The following GEMIN5 variants were observed in gnomAD, a reference collection of about 807,000 sequenced individuals.
GEMIN5 encodes the protein gem nuclear organelle associated protein 5.
Under a neutral mutation model 176.9 loss-of-function variants are expected in GEMIN5, and 124 were observed. The ratio of observed to expected loss-of-function variants is 0.70; its 90% CI spans 0.61 to 0.81. The LOEUF is 0.81. Ranked by LOEUF, GEMIN5 falls within the 40% of genes least tolerant of loss-of-function variation. The pLI is 0.00. For synonymous variants in GEMIN5, 673 were observed against 665.2 expected, an observed-to-expected ratio of 1.01 and a Z score of -0.18; for missense variants, 1,843 against 1,814.6, an observed-to-expected ratio of 1.02 and a Z score of -0.28.
Position 154,924,625 on chromosome 5 carries a change from C to T in GEMIN5, c.1294-71G>A, listed in dbSNP as rs1357503860. ...TATAGTTAAAGGAATCCTTACATTA[C>T]CCTTTAAGCATCCAAAGGGAAAACT... On this transcript the variant is annotated intron_variant, in intron 8 of 27. Coordinates refer to ENST00000285873, the MANE Select transcript of GEMIN5 (RefSeq NM_015465.5). The T allele has an allele frequency of 2.2e-5, 19 of 870,548 alleles. No individual in the cohort carries two copies. The East Asian group carries it at 4.2e-4, about 19-fold the overall frequency. 53.9% of individuals were successfully genotyped at this position (870,548 alleles called of 1,614,324 possible). A position where few individuals can be genotyped will look rare whatever the true frequency, so the allele number is the denominator to read the frequency against.
intron 26 of GEMIN5, 32 bp from the exon 27 acceptor site, chr5:154,889,449 T>C (rs1378298536): frequency 1.6e-6 from 2 of 1,213,482 alleles, no homozygotes; most frequent in African/African-American, 3.0e-5. Flanking sequence ...GTAAATTGTA[T>C]GTCTTGCCCT....
Position 154,928,639 on chromosome 5 carries a change from G to A in GEMIN5, c.802C>T (p.Pro268Ser). 6.2e-7 allele frequency: 1 copy of A among 1,613,868 alleles called. No individual in the cohort carries two copies. Among genetic ancestry groups the A allele is most frequent in the South Asian group, 1.1e-5 (1 of 91,070 alleles). The change falls in exon 6 of 28, where the codon CCC becomes TCC. Residue 268 changes from proline (P) to serine (S), a missense_variant. Pro to Ser is a moderately conservative substitution (Grantham distance 74, BLOSUM62 -1). Transcript: ENST00000285873. ...RGRGVMILKLPFLKRRGGGID... is the reference protein window; with the variant it reads ...RGRGVMILKLSFLKRRGGGID... The stretch of plus-strand genomic sequence containing the variant: ...CCCCCTCCTCTTCTCTTCAGAAAGG[G>A]CAATTTCAAAATCATCACCCCTGCA...
In GEMIN5 at chr5:154,889,189, C is replaced by T. The variant is rs1479844719; in HGVS notation, c.4359+132G>A. ...CCACGCCCAGCCTGGATTCTAAATT[C>T]TTAAGCACATATGAATGGGTAGAGA... On this transcript the variant is annotated intron_variant, in intron 27 of 27. Coordinates refer to ENST00000285873, the MANE Select transcript of GEMIN5 (RefSeq NM_015465.5). The T allele has an allele frequency of 2.0e-5, 12 of 595,682 alleles. No homozygotes were observed. In the East Asian group the frequency reaches 3.1e-4, roughly 15 times the overall value. 36.9% of individuals were successfully genotyped at this position (595,682 alleles called of 1,614,324 possible).
chr5:154,917,120 T>G lies in GEMIN5; in HGVS notation c.1733A>C (p.His578Pro). 6.2e-7 allele frequency: 1 copy of G among 1,606,686 alleles called. No homozygotes were observed. Reference sequence around the variant, plus strand: ...CCAGCTAATGGTATTCACAAGCTTGTGATGCTGTTGGATAGTACAGATCAG... The same window carrying G: ...CCAGCTAATGGTATTCACAAGCTTGGGATGCTGTTGGATAGTACAGATCAG... ...LKLICTIQQH[H>P]KLVNTISWHH... The change falls in exon 13 of 28, where the codon CAC (histidine) becomes CCC (proline). Residue 578 changes from histidine (H) to proline (P), a missense_variant. Coordinates refer to ENST00000285873, the MANE Select transcript of GEMIN5 (RefSeq NM_015465.5).
chr5:154,905,980 C>A (rs1032721036), intron 16 of GEMIN5, among the ~76,000 whole-genome samples: 1 of 151,780 alleles, frequency 6.6e-6, no homozygotes, highest in Non-Finnish European at 1.5e-5. Context: ...CGTGAGCCAC[C>A]GCTCCTGGCT....
intron 15 of GEMIN5, among the ~76,000 whole-genome samples, chr5:154,911,438 A>C (rs1763697105): frequency 6.6e-6 from 1 of 152,144 alleles, no homozygotes; most frequent in Admixed American, 6.5e-5. Context: ...GCTTTAACCC[A>C]GGAGGTGGAG....
rs1763225392 is a variant in GEMIN5 at position 154,891,485 on chromosome 5, C to A, written c.4018G>T (p.Glu1340Ter). The stretch of plus-strand genomic sequence containing the variant: ...TCTTCTGTGAGTCTCAAGTCTAGTT[C>A]TGAAGGCCTGTTTGGCTCTGGCTGA... Reference protein sequence around the residue: ...TSQPEPNRPSELDLRLTEEGE... With the variant: ...TSQPEPNRPS The change falls in exon 26 of 28, where the codon GAA (glutamate) becomes TAA (stop). Residue 1340 changes from glutamate to a stop codon, truncating the protein, a stop_gained. Transcript: ENST00000285873. LOFTEE classifies it high-confidence loss of function. 1.2e-6 allele frequency: 2 copies of A among 1,614,162 alleles called. No individual in the cohort carries two copies. The highest frequency in any genetic ancestry group is 1.7e-6 in the Non-Finnish European group (2 of 1,180,034).
chr5:154,917,739 G>A (rs111811979), intron 12 of GEMIN5, among the ~76,000 whole-genome samples, 192 bp downstream of exon 12: 71 of 152,336 alleles, frequency 4.7e-4, no homozygotes, highest in African/African-American at 1.6e-3. Flanking sequence ...TCAATGGGCT[G>A]AAAATATCTA....
At chr5:154,896,930 C>G (rs1325025444) in intron 23 of GEMIN5, among the ~76,000 whole-genome samples, 1 of 152,216 alleles carries the variant, frequency 6.6e-6, no homozygotes, top group Non-Finnish European at 1.5e-5. Context: ...ACTCCTATAA[C>G]AATATCTTCT....
chr5:154,902,702 G>A, intron 19 of GEMIN5, 26 bp from the exon 20 acceptor site: 1 of 1,610,306 alleles, frequency 6.2e-7, no homozygotes, highest in Non-Finnish European at 8.5e-7. Context: ...ATAATGTTTG[G>A]AAGGTGTTTC....
In GEMIN5 at chr5:154,888,157, T is replaced by C. The variant is rs1279017806; in HGVS notation, c.*53A>G. 6.5e-7 allele frequency: 1 copy of C among 1,543,456 alleles called. No homozygotes were observed. Among genetic ancestry groups the C allele is most frequent in the African/African-American group, 1.4e-5 (1 of 73,374 alleles). ...GTCTGGTGAGGCATAACTGCAGAGG[T>C]GAAAGATGTCAAACATTTTCAATTT... On this transcript the variant is annotated 3_prime_UTR_variant, in exon 28 of 28. Transcript: ENST00000285873.
intron 7 of GEMIN5, among the ~76,000 whole-genome samples, chr5:154,926,919 A>T (rs1764051132): frequency 6.6e-6 from 1 of 152,132 alleles, no homozygotes; most frequent in East Asian, 1.9e-4. Flanking sequence ...CGTAGGTGAT[A>T]CACGCCTGTA....
intron 3 of GEMIN5, among the ~76,000 whole-genome samples, chr5:154,934,460 C>A (rs1314032793): frequency 6.6e-6 from 1 of 152,000 alleles, no homozygotes; most frequent in African/African-American, 2.4e-5. Context: ...TACAGGCGTG[C>A]ACCACTGCAC....
chr5:154,935,865 T>C lies in GEMIN5; in HGVS notation c.485A>G (p.His162Arg), dbSNP rs1333297702. The C allele has an allele frequency of 1.9e-6, 3 of 1,613,160 alleles. No individual in the cohort carries two copies. The highest frequency in any genetic ancestry group is 1.3e-5 in the African/African-American group (1 of 74,904). The change falls in exon 3 of 28, where the codon CAT (histidine) becomes CGT (arginine). Residue 162 changes from histidine to arginine, a missense_variant. By Grantham distance (29) the His-to-Arg change is conservative. Transcript: ENST00000285873. ...CCCAATGGCTACTAAATCTTCATGA[T>C]GAGGTGAACAAGTAAGACAGAAAAT... is the stretch of plus-strand genomic sequence containing the variant. ...RTIFCLTCSP[H>R]HEDLVAIGYK...
chr5:154,903,041 T>C, intron 19 of GEMIN5, 39 bp downstream of exon 19: 1 of 1,289,576 alleles, frequency 7.8e-7, no homozygotes, highest in Non-Finnish European at 1.1e-6. Context: ...TGGGAAAGTA[T>C]AAAGATGGAT....
intron 4 of GEMIN5, 116 bp downstream of exon 4, chr5:154,931,983 C>A (rs538073747): frequency 2.7e-5 from 23 of 838,574 alleles, no homozygotes; most frequent in Middle Eastern, 3.7e-4. Context: ...CCAGCCTAGG[C>A]AACAAAAGCA....
chr5:154,931,689 C>CCTG, intron 4 of GEMIN5, 112 bp from the exon 5 acceptor site: 1 of 825,442 alleles, frequency 1.2e-6, no homozygotes, highest in South Asian at 1.9e-5. Context: ...TAGGTCTGAA[C>CCTG]TATAAAATTT....
chr5:154,908,952 T>C (rs1235409039), intron 15 of GEMIN5, among the ~76,000 whole-genome samples: 1 of 152,056 alleles, frequency 6.6e-6, no homozygotes, highest in Non-Finnish European at 1.5e-5. Context: ...TGAGTTTGTT[T>C]TTTCTTTTTT....
At chr5:154,898,277 CAACT>C (rs1245657948) in intron 23 of GEMIN5, among the ~76,000 whole-genome samples, 159 bp downstream of exon 23, 1 of 152,180 alleles carries the variant, frequency 6.6e-6, no homozygotes, top group Admixed American at 6.5e-5. Flanking sequence ...CTGAATACGG[CAACT>C]AACAAGTCAT....
Sources: allele counts gnomAD v4.1 joint callset (sites outside exome capture counted in the v4.1 genomes callset), GRCh38; gene constraint gnomAD v4.1.1; transcripts MANE v1.5; gene names NCBI Gene and HGNC (gene_info 2026-07-23, HGNC 2026-07-21).